RBBP6: variants seen among roughly 807,000 people sequenced by gnomAD.
RBBP6 encodes the protein RB binding protein 6, ubiquitin ligase.
RBBP6 carries 25 observed loss-of-function variants against 167.7 expected under a neutral mutation model. The ratio of observed to expected loss-of-function variants is 0.15; its 90% CI spans 0.11 to 0.21. The LOEUF is 0.21. Among genes scored for constraint, RBBP6 ranks in the 10% least tolerant of loss-of-function variants. The pLI, the probability that RBBP6 is intolerant of heterozygous loss-of-function variation, is 1.00. For missense variants in RBBP6, 1,868 were observed against 2,134.2 expected (o/e 0.88, Z 2.46); for synonymous variants, 789 against 735.8 (o/e 1.07, Z -1.17).
At position 24,567,464 on chromosome 16, in the gene RBBP6, C is replaced by T; in HGVS notation, c.1911C>T (p.Ser637=). 1 of 1,613,964 alleles carries T rather than the reference C, an allele frequency of 6.2e-7. No individual in the cohort carries two copies. Among genetic ancestry groups the T allele is most frequent in the Non-Finnish European group, 8.5e-7 (1 of 1,179,872 alleles). The change falls in exon 15 of 18, where the codon TCC becomes TCT. Residue 637 remains serine (S), a synonymous_variant. Transcript: ENST00000319715. The part of the protein sequence containing the change: ...TIPTTQAPPL[S]REEFYREQRR... ...CAACAACACAAGCACCACCTTTGTC[C>T]AGGGAAGAATTCTATAGAGAGCAGC...
In RBBP6 at chr16:24,561,810, C is replaced by T. The variant is rs768638114; in HGVS notation, c.952-14C>T. 2.5e-6 allele frequency: 4 copies of T among 1,607,862 alleles called. No homozygotes were observed. The South Asian group carries it at 4.4e-5, about 18-fold the overall frequency. ...CATAACATTTTTCTGCATTATTATG[C>T]TTGGTATCTGTAGGCTGTAAATAAC... On this transcript the variant is annotated splice_polypyrimidine_tract_variant and intron_variant, in intron 9 of 17. Transcript: ENST00000319715.
At position 24,540,279 on chromosome 16, in the gene RBBP6, C is replaced by T. The variant is rs1898449599; in HGVS notation, c.-348C>T. 2 of 212,204 alleles carry T rather than the reference C, an allele frequency of 9.4e-6. No individual in the cohort carries two copies. Among genetic ancestry groups the T allele is most frequent in the Non-Finnish European group, 9.7e-6 (1 of 103,020 alleles). The allele number at this position is 212,204 out of a possible 1,614,324, so 13.1% of individuals were successfully genotyped here. ...CTCGGACTCTTAACGTGTGGACTGA[C>T]CGCTACTGACTGCACCGCCAATCCC... On this transcript the variant is annotated 5_prime_UTR_variant, in exon 1 of 18. Transcript: ENST00000319715.
intron 2 of RBBP6, among the ~76,000 whole-genome samples, chr16:24,548,070 C>T (rs1238545428): frequency 6.6e-6 from 1 of 151,932 alleles, no homozygotes; most frequent in Non-Finnish European, 1.5e-5. Flanking sequence ...TATACACACA[C>T]CTAGAAACTC....
At chr16:24,543,444 G>A (rs1017562908) in intron 1 of RBBP6, among the ~76,000 whole-genome samples, 1 of 151,784 alleles carries the variant, frequency 6.6e-6, no homozygotes, top group Non-Finnish European at 1.5e-5. Context: ...CACCATGCCT[G>A]GCTAATTTAT....
At chr16:24,541,228 A>G (rs1006110050) in intron 1 of RBBP6, among the ~76,000 whole-genome samples, 3 of 151,386 alleles carry the variant, frequency 2.0e-5, no homozygotes, top group Non-Finnish European at 1.5e-5. Flanking sequence ...TTCTAACCTA[A>G]CAACATTGTG....
intron 3 of RBBP6, among the ~76,000 whole-genome samples, chr16:24,552,060 T>TA (rs547519315): frequency 6.6e-6 from 1 of 151,866 alleles, no homozygotes; most frequent in Non-Finnish European, 1.5e-5. Flanking sequence ...ATTATGTAGA[T>TA]ATGCATTAAG....
intron 17 of RBBP6, 95 bp from the exon 18 acceptor site, chr16:24,570,781 C>G: frequency 2.8e-6 from 3 of 1,058,626 alleles, no homozygotes; most frequent in Non-Finnish European, 3.8e-6. Flanking sequence ...GTTAAAAGGA[C>G]ATTTGTGTTT....
chr16:24,562,322 A>G (rs188685397), intron 10 of RBBP6, among the ~76,000 whole-genome samples, 161 bp downstream of exon 10: 31 of 152,304 alleles, frequency 2.0e-4, no homozygotes, highest in African/African-American at 7.5e-4. Flanking sequence ...GGAAGAGGAA[A>G]ACAAACGTGA....
chr16:24,549,019 T>C (rs1898733917), intron 3 of RBBP6, 38 bp downstream of exon 3: 1 of 1,601,804 alleles, frequency 6.2e-7, no homozygotes, highest in African/African-American at 1.3e-5. Flanking sequence ...TTCTACACAT[T>C]GCTTTTACCT....
intron 8 of RBBP6, 65 bp downstream of exon 8, chr16:24,559,742 T>G: frequency 2.9e-5 from 39 of 1,328,644 alleles, no homozygotes; most frequent in East Asian, 7.8e-5. Context: ...GGAATGGCTC[T>G]TCCCAACCTC....
At chr16:24,570,689 G>C (rs1462332323) in intron 17 of RBBP6, among the ~76,000 whole-genome samples, 187 bp from the exon 18 acceptor site, 1 of 152,132 alleles carries the variant, frequency 6.6e-6, no homozygotes, top group Non-Finnish European at 1.5e-5. Context: ...TTTTGGGGGT[G>C]AGCCACATTT....
chr16:24,561,254 TA>T (rs1294985325), intron 8 of RBBP6, among the ~76,000 whole-genome samples: 319 of 143,412 alleles, frequency 2.2e-3, no homozygotes, highest in Middle Eastern at 7.2e-3. Flanking sequence ...GACATTTGTT[TA>T]AAAAAAAAAA....
At position 24,571,713 on chromosome 16, in the gene RBBP6, T is replaced by C. The variant is rs369980779; in HGVS notation, c.4647T>C (p.Tyr1549=). Residue 1549 remains tyrosine, a synonymous_variant, in exon 18 of 18, where the codon TAT becomes TAC. Coordinates refer to ENST00000319715, the MANE Select transcript of RBBP6 (RefSeq NM_006910.5). Reference sequence around the variant, plus strand: ...AACCTCATGATCACAAAGCCACTTATGATACTAAACGGCCAAATGAAGAGA... The same window carrying C: ...AACCTCATGATCACAAAGCCACTTACGATACTAAACGGCCAAATGAAGAGA... ...DRKPHDHKAT[Y]DTKRPNEETK... 2.4e-5 allele frequency: 39 copies of C among 1,614,024 alleles called. No homozygotes were observed. The highest frequency in any genetic ancestry group is 1.6e-4 in the Middle Eastern group (1 of 6,084).
intron 1 of RBBP6, among the ~76,000 whole-genome samples, chr16:24,542,508 G>A (rs1898528887): frequency 6.6e-6 from 1 of 151,544 alleles, no homozygotes; most frequent in South Asian, 2.1e-4. Flanking sequence ...ACCCAGGCTG[G>A]AGTGCAGTGG....
chr16:24,567,300 T>C lies in RBBP6; in HGVS notation c.1747T>C (p.Phe583Leu). Residue 583 changes from phenylalanine to leucine, a missense_variant, in exon 15 of 18, where the codon TTT becomes CTT. Physicochemically the swap from Phe to Leu is conservative, Grantham distance 22 (BLOSUM62 0). This residue lies in a region of RBBP6 where 145 missense variants were observed against 224.3 expected (regional missense o/e 0.65). Transcript: ENST00000319715. The part of the protein sequence containing the change: ...PLPPGVPPPQ[F>L]SPQFPPGQPP... Reference sequence around the variant, plus strand: ...CCCTCCGGGTGTTCCTCCTCCACAGTTTTCTCCTCAGTTTCCTCCTGGCCA... The same window carrying C: ...CCCTCCGGGTGTTCCTCCTCCACAGCTTTCTCCTCAGTTTCCTCCTGGCCA... 6.2e-7 allele frequency: 1 copy of C among 1,613,992 alleles called. No homozygotes were observed. Among genetic ancestry groups the C allele is most frequent in the Non-Finnish European group, 8.5e-7 (1 of 1,179,932 alleles).
chr16:24,544,957 G>A (rs1253819540), intron 1 of RBBP6, among the ~76,000 whole-genome samples: 2 of 152,060 alleles, frequency 1.3e-5, no homozygotes, highest in Non-Finnish European at 2.9e-5. Context: ...CAAACATTCT[G>A]TCTTTATTTC....
At position 24,571,991 on chromosome 16, in the gene RBBP6, A is replaced by G. The variant is rs757318881; in HGVS notation, c.4925A>G (p.Asn1642Ser). 3 of 1,613,996 alleles carry G rather than the reference A, an allele frequency of 1.9e-6. No individual in the cohort carries two copies. The highest frequency in any genetic ancestry group is 2.5e-6 in the Non-Finnish European group (3 of 1,179,984). Residue 1642 changes from asparagine to serine, a missense_variant, in exon 18 of 18, where the codon AAT becomes AGT. Around this residue, in one of 7 missense-constraint regions of RBBP6, gnomAD observed 591 missense variants for 540.5 expected, o/e 1.09. Transcript: ENST00000319715. Reference sequence around the variant, plus strand: ...GAAGCTGCTTTTGAACCAGACTATAATGAAAGTGACAGTGAAAGTAATGTT... The same window carrying G: ...GAAGCTGCTTTTGAACCAGACTATAGTGAAAGTGACAGTGAAAGTAATGTT... The part of the protein sequence containing the change: ...TDEAAFEPDY[N>S]ESDSESNVSV...
In RBBP6 at chr16:24,556,352, A is replaced by C. The variant is rs1336961307; in HGVS notation, c.579A>C (p.Gly193=). Reference sequence around the variant, plus strand: ...GTCCTAGGATTAAAAAGAGCACTGGAATTCCCAGAAGTTTCATGATGGAAG... The same window carrying C: ...GTCCTAGGATTAAAAAGAGCACTGGCATTCCCAGAAGTTTCATGATGGAAG... ...ESGPRIKKST[G]IPRSFMMEVK... is the part of the protein sequence containing the mutation. The change falls in exon 7 of 18, where the codon GGA becomes GGC. Residue 193 remains glycine, a synonymous_variant. Coordinates refer to ENST00000319715, the MANE Select transcript of RBBP6 (RefSeq NM_006910.5). The C allele has an allele frequency of 6.2e-6, 10 of 1,605,454 alleles. No individual in the cohort carries two copies. Among genetic ancestry groups the C allele is most frequent in the Admixed American group, 1.7e-5 (1 of 60,008 alleles).
Position 24,563,187 on chromosome 16 carries a change from T to C in RBBP6, c.1290-12T>C. 1 of 1,584,558 alleles carries C rather than the reference T, an allele frequency of 6.3e-7. No individual in the cohort carries two copies. Among genetic ancestry groups the C allele is most frequent in the Non-Finnish European group, 8.6e-7 (1 of 1,162,646 alleles). ...ATAATTTTTAATGTATTATAATTTA[T>C]GTTTTTTAAAGGGATTCTGATAATA... On this transcript the variant is annotated splice_polypyrimidine_tract_variant and intron_variant, in intron 10 of 17. Coordinates refer to ENST00000319715, the MANE Select transcript of RBBP6 (RefSeq NM_006910.5).
Sources: gnomAD v4.1 joint callset for allele counts (sites outside exome capture counted in the v4.1 genomes callset) on GRCh38, gnomAD v4.1.1 for gene constraint, gnomAD v4.1.1 regional missense constraint, MANE v1.5 for transcripts, NCBI Gene and HGNC (gene_info 2026-07-23, HGNC 2026-07-21) for gene names.